The following SULT1C4 variants were observed in gnomAD, a reference collection of about 807,000 sequenced individuals.
The protein encoded by SULT1C4 is sulfotransferase family 1C member 4.
A neutral mutation model predicts 34.8 loss-of-function variants in SULT1C4; 32 were observed. The observed-to-expected ratio is 0.92, with a 90% CI of 0.69 to 1.23. The LOEUF is 1.23. SULT1C4 is among the 50% of genes most tolerant of loss of function. SULT1C4 has a pLI of 0.00. For missense variants in SULT1C4, 375 were observed against 365.9 expected (o/e 1.02, Z -0.20); for synonymous variants, 111 against 120.5 (o/e 0.92, Z 0.51).
At chr2:108,380,987 T>G (rs1678373306) in intron 1 of SULT1C4, among the ~76,000 whole-genome samples, 1 of 152,164 alleles carries the variant, frequency 6.6e-6, no homozygotes, top group Non-Finnish European at 1.5e-5. Context: ...AATTGAATAC[T>G]AAGTGCTAAT....
intron 1 of SULT1C4, among the ~76,000 whole-genome samples, chr2:108,380,818 G>A (rs186540035): frequency 1.3e-5 from 2 of 152,168 alleles, no homozygotes; most frequent in African/African-American, 2.4e-5. Context: ...CCTCAGGAAG[G>A]ATGACTTCTA....
chr2:108,385,205 C>T (rs1206157022), intron 5 of SULT1C4, among the ~76,000 whole-genome samples: 2 of 152,160 alleles, frequency 1.3e-5, no homozygotes, highest in African/African-American at 2.4e-5. Context: ...TACGAAGACT[C>T]CAGGCAGATG....
chr2:108,386,592 C>T (rs1203011340), intron 6 of SULT1C4, among the ~76,000 whole-genome samples: 1 of 152,200 alleles, frequency 6.6e-6, no homozygotes, highest in Admixed American at 6.5e-5. Context: ...AATCCAACCA[C>T]TTATCCCCAC....
chr2:108,381,870 T>C lies in SULT1C4; in HGVS notation c.278T>C (p.Ile93Thr). Residue 93 changes from isoleucine (I) to threonine (T), a missense_variant, in exon 2 of 7, where the codon ATC becomes ACC. Physicochemically the swap from Ile to Thr is moderately conservative, Grantham distance 89. Transcript: ENST00000272452. The stretch of plus-strand genomic sequence containing the variant: ...CGATTTCCTTTCCTCGAAATGAAAA[T>C]CCCATCCTTAGGATCTGGTGAGTAT... ...HQRFPFLEMK[I>T]PSLGSGLEQA... 6.7e-7 allele frequency: 1 copy of C among 1,489,894 alleles called. No individual in the cohort carries two copies. The highest frequency in any genetic ancestry group is 8.9e-7 in the Non-Finnish European group (1 of 1,125,080). The allele number at this position is 1,489,894 out of a possible 1,614,324, so 92.3% of individuals were successfully genotyped here.
intron 1 of SULT1C4, among the ~76,000 whole-genome samples, 158 bp from the exon 2 acceptor site, chr2:108,381,604 T>G (rs1197506961): frequency 6.6e-6 from 1 of 152,076 alleles, no homozygotes; most frequent in Non-Finnish European, 1.5e-5. Flanking sequence ...GATTGCACCA[T>G]TGAACTCCAG....
At position 108,383,210 on chromosome 2, in the gene SULT1C4, G is replaced by C. The variant is rs1678465173; in HGVS notation, c.511G>C (p.Ala171Pro). The change falls in exon 4 of 7, where the codon GCT (alanine) becomes CCT (proline). Residue 171 changes from alanine to proline, a missense_variant. Ala to Pro is a conservative substitution (Grantham distance 27). Transcript: ENST00000272452. The stretch of plus-strand genomic sequence containing the variant: ...GGAAGAGTATTTTGAGACTTTTCTG[G>C]CTGGGAAAGGTGAGAGAATTTAGCT... ...TWEEYFETFLAGKVCWGSWHE... is the reference protein window; with the variant it reads ...TWEEYFETFLPGKVCWGSWHE... The C allele has an allele frequency of 6.2e-7, 1 of 1,608,740 alleles. No homozygotes were observed.
chr2:108,386,411 T>C, intron 6 of SULT1C4, 39 bp downstream of exon 6: 2 of 1,329,596 alleles, frequency 1.5e-6, no homozygotes, highest in Non-Finnish European at 2.0e-6. Flanking sequence ...TTAAAAGAAC[T>C]GTCAAATATT....
chr2:108,378,426 A>G lies in SULT1C4; in HGVS notation c.89A>G (p.Asp30Gly), dbSNP rs777726197. 20 of 1,614,106 alleles carry G rather than the reference A, an allele frequency of 1.2e-5. No individual in the cohort carries two copies. Among genetic ancestry groups the G allele is most frequent in the Middle Eastern group, 1.6e-4 (1 of 6,084 alleles). ...GTGAAGGGAATTCTTCAACCGACAGACACCTGTGACATCTGGGATAAGATC... is the reference window on the plus strand; with the variant it reads ...GTGAAGGGAATTCTTCAACCGACAGGCACCTGTGACATCTGGGATAAGATC... The part of the protein sequence containing the change: ...NYVKGILQPT[D>G]TCDIWDKIWN... The change falls in exon 1 of 7, where the codon GAC (aspartate) becomes GGC (glycine). Residue 30 changes from aspartate to glycine, a missense_variant. By Grantham distance (94) the Asp-to-Gly change is moderately conservative (BLOSUM62 -1). Transcript: ENST00000272452.
chr2:108,386,132 T>C (rs1319395535), intron 5 of SULT1C4, 60 bp from the exon 6 acceptor site: 1 of 1,272,670 alleles, frequency 7.9e-7, no homozygotes, highest in African/African-American at 1.5e-5. Flanking sequence ...TAATCCATCA[T>C]AATATTCTTT....
chr2:108,378,347 C>T lies in SULT1C4; in HGVS notation c.10C>T (p.His4Tyr), dbSNP rs759448103. 1 of 1,613,638 alleles carries T rather than the reference C, an allele frequency of 6.2e-7. No homozygotes were observed. Among genetic ancestry groups the T allele is most frequent in the East Asian group, 2.2e-5 (1 of 44,882 alleles). The change falls in exon 1 of 7, where the codon CAC (histidine) becomes TAC (tyrosine). Residue 4 changes from histidine (H) to tyrosine (Y), a missense_variant. His to Tyr is a moderately conservative substitution (Grantham distance 83). Coordinates refer to ENST00000272452, the MANE Select transcript of SULT1C4 (RefSeq NM_006588.4). MALHDMEDFTFDGT... is the reference protein window; with the variant it reads MALYDMEDFTFDGT... Reference sequence around the variant, plus strand: ...CTGATTTCTTACACTAATGGCCTTACACGACATGGAGGATTTTACATTTGA... The same window carrying T: ...CTGATTTCTTACACTAATGGCCTTATACGACATGGAGGATTTTACATTTGA...
At chr2:108,380,413 G>T (rs112809127) in intron 1 of SULT1C4, among the ~76,000 whole-genome samples, 30 of 152,198 alleles carry the variant, frequency 2.0e-4, no homozygotes, top group African/African-American at 7.0e-4. Flanking sequence ...TATTTGGGAG[G>T]TTGAAGCAAG....
intron 5 of SULT1C4, among the ~76,000 whole-genome samples, chr2:108,385,592 C>A (rs4149438): frequency 0.38 from 57,269 of 151,940 alleles, 14,537 homozygotes; most frequent in African/African-American, 0.72. Context: ...GAGATGGAGG[C>A]GTCCCACAGC....
In SULT1C4 at chr2:108,386,219, G is replaced by T; in HGVS notation, c.643G>T (p.Ala215Ser). 6.5e-7 allele frequency: 1 copy of T among 1,528,230 alleles called. No homozygotes were observed. The highest frequency in any genetic ancestry group is 1.3e-5 in the South Asian group (1 of 74,944). 94.7% of individuals were successfully genotyped at this position (1,528,230 alleles called of 1,614,324 possible). A position where few individuals can be genotyped will look rare whatever the true frequency, so the allele number is the denominator to read the frequency against. Residue 215 changes from alanine to serine, a missense_variant, in exon 6 of 7, where the codon GCA becomes TCA. By Grantham distance (99) the Ala-to-Ser change is moderately conservative. Coordinates refer to ENST00000272452, the MANE Select transcript of SULT1C4 (RefSeq NM_006588.4). The part of the protein sequence containing the change: ...KNPKHEIQKL[A>S]EFIGKKLDDK... ...CCCAAAGCATGAAATTCAGAAGCTG[G>T]CAGAATTTATTGGGAAGAAATTAGA...
At chr2:108,386,059 C>G (rs771306130) in intron 5 of SULT1C4, 133 bp from the exon 6 acceptor site, 68 of 683,250 alleles carry the variant, frequency 1.0e-4, no homozygotes, top group Non-Finnish European at 1.4e-4. Context: ...AAATGAGTCA[C>G]TTGAGCATTT....
intron 6 of SULT1C4, 38 bp downstream of exon 6, chr2:108,386,410 C>G (rs1008914355): frequency 4.5e-6 from 6 of 1,334,220 alleles, no homozygotes; most frequent in Non-Finnish European, 5.9e-6. Flanking sequence ...CTTAAAAGAA[C>G]TGTCAAATAT....
At chr2:108,381,664 A>G in intron 1 of SULT1C4, 98 bp from the exon 2 acceptor site, 1 of 1,273,602 alleles carries the variant, frequency 7.9e-7, no homozygotes, top group African/African-American at 1.5e-5. Flanking sequence ...AAAACAAAAC[A>G]AAACAAAAGA....
At chr2:108,380,907 AAGG>A (rs1678371179) in intron 1 of SULT1C4, among the ~76,000 whole-genome samples, 2 of 152,194 alleles carry the variant, frequency 1.3e-5, no homozygotes, top group South Asian at 4.1e-4. Flanking sequence ...CTTAGTGGCA[AAGG>A]AGTTTAGGGA....
In SULT1C4 at chr2:108,378,473, G is replaced by A; in HGVS notation, c.136G>A (p.Asp46Asn). 1 of 1,614,172 alleles carries A rather than the reference G, an allele frequency of 6.2e-7. No homozygotes were observed. Among genetic ancestry groups the A allele is most frequent in the Non-Finnish European group, 8.5e-7 (1 of 1,180,032 alleles). Residue 46 changes from aspartate (D) to asparagine (N), a missense_variant, in exon 1 of 7, where the codon GAT becomes AAT. Asp to Asn is a conservative substitution (Grantham distance 23). Coordinates refer to ENST00000272452, the MANE Select transcript of SULT1C4 (RefSeq NM_006588.4). The part of the protein sequence containing the change: ...DKIWNFQAKP[D>N]DLLISTYPKA... ...GATCTGGAACTTCCAAGCCAAGCCT[G>A]ATGACCTGCTTATTTCTACCTATCC...
chr2:108,378,142 G>A lies in SULT1C4; in HGVS notation c.-196G>A. 2.2e-6 allele frequency: 1 copy of A among 463,972 alleles called. No individual in the cohort carries two copies. Among genetic ancestry groups the A allele is most frequent in the Non-Finnish European group, 3.8e-6 (1 of 264,216 alleles). 28.7% of individuals were successfully genotyped at this position (463,972 alleles called of 1,614,324 possible). On this transcript the variant is annotated 5_prime_UTR_variant, in exon 1 of 7. Coordinates refer to ENST00000272452, the MANE Select transcript of SULT1C4 (RefSeq NM_006588.4). ...CCAGTGGACAAAGTCATAAACAAGA[G>A]TTCCAGTTCCCTGGAACCTGAGTCG...
Sources: allele counts gnomAD v4.1 joint callset (sites outside exome capture counted in the v4.1 genomes callset), GRCh38; gene constraint gnomAD v4.1.1; transcripts MANE v1.5; gene names NCBI Gene and HGNC (gene_info 2026-07-23, HGNC 2026-07-21).